PPTC7: variants seen among roughly 807,000 people sequenced by gnomAD.
PPTC7 encodes the protein protein phosphatase PTC7 homolog.
PPTC7 carries 6 observed loss-of-function variants against 30.8 expected under a neutral mutation model. The observed-to-expected ratio is 0.19, with a 90% CI of 0.11 to 0.38. PPTC7 has a LOEUF of 0.38. PPTC7 is among the 10% of genes least tolerant of loss of function. The pLI is 1.00. For missense variants in PPTC7, 218 were observed against 404.8 expected, an observed-to-expected ratio of 0.54 and a Z score of 3.96; for synonymous variants, 163 against 168.1, an observed-to-expected ratio of 0.97 and a Z score of 0.23.
At chr12:110,540,075 A>G in intron 3 of PPTC7, 130 bp from the exon 4 acceptor site, 3 of 724,418 alleles carry the variant, frequency 4.1e-6, no homozygotes, top group Non-Finnish European at 5.9e-6. Flanking sequence ...TAATGGAGTC[A>G]ATTTTTAAAA....
chr12:110,545,772 T>C, intron 3 of PPTC7, 108 bp downstream of exon 3: 1 of 947,456 alleles, frequency 1.1e-6, no homozygotes, highest in Non-Finnish European at 1.7e-6. Flanking sequence ...ACATTCTCAG[T>C]GTATTCTTTT....
intron 1 of PPTC7, among the ~76,000 whole-genome samples, chr12:110,573,028 C>T (rs565730387): frequency 6.1e-4 from 93 of 152,154 alleles, no homozygotes; most frequent in Non-Finnish European, 7.4e-4. Flanking sequence ...TACAGGCGCC[C>T]GACACTACGC....
At chr12:110,571,053 GC>G (rs2064531118) in intron 1 of PPTC7, among the ~76,000 whole-genome samples, 1 of 152,288 alleles carries the variant, frequency 6.6e-6, no homozygotes, top group Non-Finnish European at 1.5e-5. Flanking sequence ...GTACGCTCGA[GC>G]GTGGTCATTG....
intron 1 of PPTC7, among the ~76,000 whole-genome samples, chr12:110,564,215 A>G (rs1464478715): frequency 6.6e-6 from 1 of 152,198 alleles, no homozygotes; most frequent in Admixed American, 6.5e-5. Context: ...AGGAGGCAAC[A>G]AACAAATCAT....
chr12:110,542,619 C>T (rs1176840537), intron 3 of PPTC7, among the ~76,000 whole-genome samples: 14 of 138,018 alleles, frequency 1.0e-4, no homozygotes, highest in Non-Finnish European at 1.4e-4. Flanking sequence ...AGCAGTGAGC[C>T]GAGATTGCGC....
At chr12:110,579,139 ACT>A (rs532068883) in intron 1 of PPTC7, among the ~76,000 whole-genome samples, 84 of 150,960 alleles carry the variant, frequency 5.6e-4, no homozygotes, top group African/African-American at 2.0e-3. Context: ...GCAGAGCAAG[ACT>A]CTATCTCAAA....
rs148430527 is a variant in PPTC7 at position 110,545,918 on chromosome 12, G to A, written c.564C>T (p.Ile188=). ...CGACTCCCTCGGCTTCAGGGGGAGCGATTGAGAGCTGGAATGGAGTGTTGA... is the reference window on the plus strand; with the variant it reads ...CGACTCCCTCGGCTTCAGGGGGAGCAATTGAGAGCTGGAATGGAGTGTTGA... The part of the protein sequence containing the change: ...HYFNTPFQLS[I]APPEAEGVVL... The change falls in exon 3 of 6, where the codon ATC becomes ATT. Residue 188 remains isoleucine (I), a synonymous_variant. Coordinates refer to ENST00000354300, the MANE Select transcript of PPTC7 (RefSeq NM_139283.2). 8.7e-6 allele frequency: 14 copies of A among 1,613,944 alleles called. No individual in the cohort carries two copies. Among genetic ancestry groups the A allele is most frequent in the Admixed American group, 1.7e-5 (1 of 60,018 alleles).
chr12:110,560,678 G>A (rs962179727), intron 1 of PPTC7, among the ~76,000 whole-genome samples: 38 of 152,160 alleles, frequency 2.5e-4, no homozygotes, highest in Middle Eastern at 3.2e-3. Context: ...AGAAGAACGC[G>A]ATGCCTAGAG....
chr12:110,583,011 G>A lies in PPTC7; in HGVS notation c.21C>T (p.Tyr7=). The part of the protein sequence containing the change: MFSVLS[Y]GRLVARAVLG... ...GCACGGCGCGGGCCACCAGCCGCCC[G>A]TACGAGAGGACCGAGAACATCGCCG... The change falls in exon 1 of 6, where the codon TAC becomes TAT. Residue 7 remains tyrosine, a synonymous_variant. Transcript: ENST00000354300. 1.4e-6 allele frequency: 2 copies of A among 1,478,884 alleles called. No individual in the cohort carries two copies. The highest frequency in any genetic ancestry group is 8.9e-7 in the Non-Finnish European group (1 of 1,122,354). The allele number at this position is 1,478,884 out of a possible 1,614,324, so 91.6% of individuals were successfully genotyped here.
chr12:110,545,699 C>T (rs2064300618), intron 3 of PPTC7, among the ~76,000 whole-genome samples, 181 bp downstream of exon 3: 2 of 152,170 alleles, frequency 1.3e-5, no homozygotes, highest in African/African-American at 4.8e-5. Context: ...TTCCACTTAG[C>T]TAGATTATCT....
At chr12:110,574,162 A>AAAAAAAAAAAAT in intron 1 of PPTC7, among the ~76,000 whole-genome samples, 1 of 149,260 alleles carries the variant, frequency 6.7e-6, no homozygotes, top group Admixed American at 6.7e-5. Flanking sequence ...AAAAAAAAAA[A>AAAAAAAAAAAAT]AAAAAAAAAA....
chr12:110,557,795 C>A (rs2064402267), intron 1 of PPTC7, among the ~76,000 whole-genome samples: 1 of 152,130 alleles, frequency 6.6e-6, no homozygotes, highest in Admixed American at 6.6e-5. Flanking sequence ...AGTCACAGTT[C>A]TGCATGGCTG....
chr12:110,551,324 C>T (rs964975978), intron 2 of PPTC7, among the ~76,000 whole-genome samples: 3 of 152,124 alleles, frequency 2.0e-5, no homozygotes, highest in African/African-American at 4.8e-5. Context: ...AGCAGTACTA[C>T]GTATTCTGGT....
chr12:110,583,144 G>A lies in PPTC7; in HGVS notation c.-113C>T, dbSNP rs959345452. 26 of 760,326 alleles carry A rather than the reference G, an allele frequency of 3.4e-5. No individual in the cohort carries two copies. In the African/African-American group the frequency reaches 3.5e-4, roughly 10 times the overall value. The allele number at this position is 760,326 out of a possible 1,614,324, so 47.1% of individuals were successfully genotyped here. ...CGCGCCGCCGCTGGGGCGCTCCTCA[G>A]GGCGGCGCGCAGTGGCCGCCGCCGC... On this transcript the variant is annotated 5_prime_UTR_variant, in exon 1 of 6. Coordinates refer to ENST00000354300, the MANE Select transcript of PPTC7 (RefSeq NM_139283.2).
At chr12:110,548,579 C>CATT (rs1186999652) in intron 2 of PPTC7, among the ~76,000 whole-genome samples, 7 of 152,292 alleles carry the variant, frequency 4.6e-5, no homozygotes, top group Admixed American at 4.6e-4. Flanking sequence ...AACCTTTTAT[C>CATT]ATTAATAGAT....
intron 2 of PPTC7, among the ~76,000 whole-genome samples, chr12:110,551,475 T>G (rs2064349232): frequency 6.6e-6 from 1 of 152,158 alleles, no homozygotes; most frequent in Non-Finnish European, 1.5e-5. Flanking sequence ...GCCTCCCAAG[T>G]AGCTGGGATT....
chr12:110,564,867 T>C (rs2064469312), intron 1 of PPTC7, among the ~76,000 whole-genome samples: 1 of 148,676 alleles, frequency 6.7e-6, no homozygotes, highest in Non-Finnish European at 1.5e-5. Context: ...TGTATATGTG[T>C]ATATATACAT....
Position 110,583,268 on chromosome 12 carries a change from G to C in PPTC7, c.-237C>G, listed in dbSNP as rs1009843642. Reference sequence around the variant, plus strand: ...GCTCCTCCGCCTCAGCCCAACTGAAGTCCCGGCTGCAGCGGCCGCCGCCGC... The same window carrying C: ...GCTCCTCCGCCTCAGCCCAACTGAACTCCCGGCTGCAGCGGCCGCCGCCGC... On this transcript the variant is annotated 5_prime_UTR_variant, in exon 1 of 6. Coordinates refer to ENST00000354300, the MANE Select transcript of PPTC7 (RefSeq NM_139283.2). 5.3e-4 allele frequency: 87 copies of C among 164,974 alleles called. No homozygotes were observed. The highest frequency in any genetic ancestry group is 1.9e-3 in the African/African-American group (77 of 40,410). 10.2% of individuals were successfully genotyped at this position (164,974 alleles called of 1,614,324 possible). A position where few individuals can be genotyped will look rare whatever the true frequency, so the allele number is the denominator to read the frequency against.
At chr12:110,570,055 G>C (rs1474260582) in intron 1 of PPTC7, among the ~76,000 whole-genome samples, 2 of 152,184 alleles carry the variant, frequency 1.3e-5, no homozygotes, top group African/African-American at 4.8e-5. Flanking sequence ...AAAAGCAAGA[G>C]AGATCAGATT....
Sources: gnomAD v4.1 joint callset for allele counts (sites outside exome capture counted in the v4.1 genomes callset) on GRCh38, gnomAD v4.1.1 for gene constraint, MANE v1.5 for transcripts, NCBI Gene and HGNC (gene_info 2026-07-23, HGNC 2026-07-21) for gene names.